The following TRPC4 variants were observed in gnomAD, a reference collection of about 807,000 sequenced individuals.
TRPC4 encodes transient receptor potential cation channel subfamily C member 4, also known as short transient receptor potential channel 4.
A neutral mutation model predicts 99.4 loss-of-function variants in TRPC4; 49 were observed. The observed-to-expected ratio is 0.49, with a 90% CI of 0.39 to 0.63. TRPC4 has a LOEUF of 0.63. Ranked by LOEUF, TRPC4 falls within the 20% of genes least tolerant of loss-of-function variation. TRPC4 has a pLI of 0.00. For missense variants in TRPC4, 898 were observed against 1,152.9 expected, an observed-to-expected ratio of 0.78 and a Z score of 3.20; for synonymous variants, 454 against 425.9, an observed-to-expected ratio of 1.07 and a Z score of -0.81.
intron 4 of TRPC4, among the ~76,000 whole-genome samples, chr13:37,679,782 A>G (rs1347582437): frequency 6.6e-6 from 1 of 152,232 alleles, no homozygotes; most frequent in East Asian, 1.9e-4. Flanking sequence ...GGAAAATGAT[A>G]ATAATATTTA....
chr13:37,717,110 T>C (rs1234991149), intron 3 of TRPC4, among the ~76,000 whole-genome samples: 3 of 152,134 alleles, frequency 2.0e-5, no homozygotes, highest in Non-Finnish European at 2.9e-5. Context: ...ATACTTCATA[T>C]TCACAACATT....
chr13:37,800,244 G>C (rs1180336222), intron 1 of TRPC4, among the ~76,000 whole-genome samples: 1 of 152,096 alleles, frequency 6.6e-6, no homozygotes, highest in African/African-American at 2.4e-5. Flanking sequence ...CCAGGCTAGA[G>C]TGCAGTGGCT....
In TRPC4 at chr13:37,842,524, C is replaced by A. The variant is rs569550892; in HGVS notation, c.-28+27071G>T. On this transcript the variant is annotated intron_variant, in intron 1 of 10. Coordinates refer to ENST00000379705, the MANE Select transcript of TRPC4 (RefSeq NM_016179.4). ...ACTATAGACTGAGTGGCTTATAAGG[C>A]ACAAAATTTTTATCTCATAGCTATG... is the stretch of plus-strand genomic sequence containing the variant. 2.6e-5 allele frequency among the ~76,000 whole-genome samples: 4 copies of A among 152,108 alleles called. No individual in the cohort carries two copies. In the East Asian group the frequency reaches 7.7e-4, roughly 29 times the overall value.
intron 6 of TRPC4, among the ~76,000 whole-genome samples, chr13:37,657,754 T>A (rs1317389885): frequency 6.6e-6 from 1 of 152,202 alleles, no homozygotes; most frequent in Non-Finnish European, 1.5e-5. Flanking sequence ...TAACTACTAA[T>A]TTTAGGAAAC....
intron 8 of TRPC4, 136 bp from the exon 9 acceptor site, chr13:37,639,435 C>T: frequency 1.3e-6 from 1 of 781,414 alleles, no homozygotes; most frequent in Admixed American, 2.7e-5. Flanking sequence ...TGGACAATGG[C>T]TAAAGAGTGC....
chr13:37,637,209 A>C lies in TRPC4; in HGVS notation c.2628T>G (p.Ala876=). Residue 876 remains alanine (A), a synonymous_variant, in exon 11 of 11, where the codon GCT becomes GCG. Transcript: ENST00000379705. ...GAATATTTCTCTCAAGTGGTCCTGCAGCCTGTTGACGAGCAACTTCTTCTG... is the reference window on the plus strand; with the variant it reads ...GAATATTTCTCTCAAGTGGTCCTGCCGCCTGTTGACGAGCAACTTCTTCTG... ...SVSEEVARQQ[A]AGPLERNIQL... The C allele has an allele frequency of 6.2e-7, 1 of 1,613,956 alleles. No individual in the cohort carries two copies. Among genetic ancestry groups the C allele is most frequent in the Non-Finnish European group, 8.5e-7 (1 of 1,179,898 alleles).
intron 3 of TRPC4, among the ~76,000 whole-genome samples, chr13:37,738,668 G>T (rs1328824812): frequency 6.6e-6 from 1 of 152,114 alleles, no homozygotes; most frequent in East Asian, 1.9e-4. Flanking sequence ...TGCAATAGAT[G>T]AACAAAGGAA....
intron 1 of TRPC4, among the ~76,000 whole-genome samples, chr13:37,824,555 G>T (rs894612252): frequency 2.3e-4 from 35 of 151,744 alleles, no homozygotes; most frequent in African/African-American, 8.4e-4. Flanking sequence ...CTTTGGTTCT[G>T]TTTATATGCT....
chr13:37,843,923 T>C (rs1268031328), intron 1 of TRPC4, among the ~76,000 whole-genome samples: 5 of 152,204 alleles, frequency 3.3e-5, no homozygotes, highest in Non-Finnish European at 5.9e-5. Flanking sequence ...AATGGTAAGA[T>C]GAATGATTCT....
At chr13:37,862,457 T>A (rs967476795) in intron 1 of TRPC4, among the ~76,000 whole-genome samples, 5 of 151,580 alleles carry the variant, frequency 3.3e-5, no homozygotes, top group Non-Finnish European at 5.9e-5. Flanking sequence ...AAAACTTAAG[T>A]CCTACTCTTA....
intron 3 of TRPC4, among the ~76,000 whole-genome samples, chr13:37,718,092 G>A (rs756822081): frequency 1.3e-5 from 2 of 151,808 alleles, no homozygotes; most frequent in Non-Finnish European, 2.9e-5. Context: ...ACAGTATTCA[G>A]GGCAACCACA....
chr13:37,805,199 G>A (rs895861453), intron 1 of TRPC4, among the ~76,000 whole-genome samples: 1 of 151,904 alleles, frequency 6.6e-6, no homozygotes, highest in Non-Finnish European at 1.5e-5. Flanking sequence ...GAATATTAGA[G>A]AGGAATACTT....
chr13:37,657,783 A>C (rs1315545360), intron 6 of TRPC4, among the ~76,000 whole-genome samples: 3 of 152,198 alleles, frequency 2.0e-5, no homozygotes, highest in Non-Finnish European at 2.9e-5. Context: ...ATACTTTTGC[A>C]AAATATTTAT....
chr13:37,644,295 A>G (rs1265197516), intron 8 of TRPC4, among the ~76,000 whole-genome samples: 4 of 152,170 alleles, frequency 2.6e-5, no homozygotes, highest in Non-Finnish European at 1.5e-5. Context: ...ATGACCGAGA[A>G]CAGGAGAAAT....
chr13:37,662,155 C>T lies in TRPC4; in HGVS notation c.1688+1261G>A, dbSNP rs552695588. ...TGAAACCCTATCTCTACTAAAAATA[C>T]AAAAATTAGCCGGGCGTGGTGGTGG... On this transcript the variant is annotated intron_variant, in intron 6 of 10. Coordinates refer to ENST00000379705, the MANE Select transcript of TRPC4 (RefSeq NM_016179.4). Among the ~76,000 whole-genome samples the T allele has an allele frequency of 1.8e-4, 28 of 151,960 alleles. No homozygotes were observed. The Middle Eastern group carries it at 0.01, about 55-fold the overall frequency.
intron 3 of TRPC4, among the ~76,000 whole-genome samples, chr13:37,728,367 T>A (rs1005884219): frequency 6.6e-6 from 1 of 151,938 alleles, no homozygotes; most frequent in Non-Finnish European, 1.5e-5. Flanking sequence ...CTCACAAAAA[T>A]AAGTTACATT....
At position 37,746,299 on chromosome 13, in the gene TRPC4, C is replaced by T. The variant is rs111702106; in HGVS notation, c.535G>A (p.Val179Met). The change falls in exon 3 of 11, where the codon GTG becomes ATG. Residue 179 changes from valine (V) to methionine (M), a missense_variant. Physicochemically the swap from Val to Met is conservative, Grantham distance 21. Around this residue, in one of 3 missense-constraint regions of TRPC4, gnomAD observed 278 missense variants for 346.6 expected, o/e 0.80. Transcript: ENST00000379705. ...ACATCTGAACTGGACACGCATTCCA[C>T]ACAGTTACAGCGGACCTCGTGGGGT... The part of the protein sequence containing the change: ...PRPHEVRCNC[V>M]ECVSSSDVDS... The T allele has an allele frequency of 3.7e-6, 6 of 1,613,836 alleles. No homozygotes were observed. In the African/African-American group the frequency reaches 4.0e-5, roughly 11 times the overall value.
chr13:37,675,873 A>G (rs2138774994), intron 4 of TRPC4, among the ~76,000 whole-genome samples: 1 of 152,268 alleles, frequency 6.6e-6, no homozygotes, highest in African/African-American at 2.4e-5. Flanking sequence ...AACAATCAGC[A>G]ATTGACAACC....
At chr13:37,808,993 A>G (rs1269627273) in intron 1 of TRPC4, among the ~76,000 whole-genome samples, 1 of 152,084 alleles carries the variant, frequency 6.6e-6, no homozygotes, top group Non-Finnish European at 1.5e-5. Context: ...TCAAAAGGGG[A>G]TTGACTTCTG....
Sources: gnomAD v4.1 joint callset for allele counts (sites outside exome capture counted in the v4.1 genomes callset) on GRCh38, gnomAD v4.1.1 for gene constraint, gnomAD v4.1.1 regional missense constraint, MANE v1.5 for transcripts, NCBI Gene and HGNC (gene_info 2026-07-23, HGNC 2026-07-21) for gene names.